SOX5: variants seen among roughly 807,000 people sequenced by gnomAD.
SOX5 encodes transcription factor SOX-5.
Under a neutral mutation model 92.0 loss-of-function variants are expected in SOX5, and 9 were observed. That is an observed-to-expected ratio of 0.10 (90% CI 0.06 to 0.17). The LOEUF is 0.17. Among genes scored for constraint, SOX5 ranks in the 10% least tolerant of loss-of-function variants. SOX5 has a pLI of 1.00. For synonymous variants in SOX5, 344 were observed against 336.3 expected (o/e 1.02, Z -0.25); for missense variants, 642 against 944.5 (o/e 0.68, Z 4.20).
chr12:24,058,442 C>G (rs1939013084), intron 4 of SOX5, among the ~76,000 whole-genome samples: 2 of 152,288 alleles, frequency 1.3e-5, no homozygotes, highest in South Asian at 2.1e-4. Flanking sequence ...CAATACATCC[C>G]CTCGTAGGTA....
rs537786916 is a variant in SOX5, at chr12:24,522,262, G to T, written c.-251+40067C>A. Among the ~76,000 whole-genome samples, 6 of 151,810 alleles carry T rather than the reference G, an allele frequency of 4.0e-5. No individual in the cohort carries two copies. The East Asian group carries it at 9.6e-4, about 24-fold the overall frequency. ...TGAACAGATTTATATATCTAGTATA[G>T]AAGTTGAATCAATAATCAAAAATCA... is the stretch of plus-strand genomic sequence containing the variant. On this transcript the variant is annotated intron_variant, in intron 1 of 4. Coordinates refer to the SOX5 transcript ENST00000446891.
chr12:24,192,920 C>A (rs1256360502), intron 4 of SOX5, among the ~76,000 whole-genome samples: 1 of 152,042 alleles, frequency 6.6e-6, no homozygotes, highest in Non-Finnish European at 1.5e-5. Context: ...GCCATTATTT[C>A]TTTTTATTTG....
intron 2 of SOX5, among the ~76,000 whole-genome samples, chr12:24,361,140 T>G (rs1042735563): frequency 6.6e-6 from 1 of 152,150 alleles, no homozygotes; most frequent in Non-Finnish European, 1.5e-5. Context: ...CAGTTTTGAC[T>G]GGCTCTCTCA....
intron 8 of SOX5, among the ~76,000 whole-genome samples, chr12:23,618,215 C>G (rs2137995067): frequency 6.6e-6 from 1 of 152,172 alleles, no homozygotes; most frequent in Non-Finnish European, 1.5e-5. Flanking sequence ...TGCTGAAATT[C>G]CCTTCAAAGC....
intron 4 of SOX5, among the ~76,000 whole-genome samples, chr12:24,082,886 C>T (rs563550902): frequency 6.6e-6 from 1 of 151,970 alleles, no homozygotes; most frequent in Admixed American, 6.6e-5. Flanking sequence ...AAGTATACCT[C>T]ATCTCATTTG....
intron 2 of SOX5, among the ~76,000 whole-genome samples, chr12:24,285,893 T>A (rs1020606118): frequency 6.6e-6 from 1 of 152,148 alleles, no homozygotes; most frequent in Non-Finnish European, 1.5e-5. Flanking sequence ...AAAAATAATA[T>A]TTATAATTTT....
In SOX5 at chr12:23,539,615, A is replaced by T. The variant is rs1051849576; in HGVS notation, c.1772-2946T>A. ...AAAGCTGGTCTGGCTTAAAAAAAAA[A>T]AAAAAGAGGAAAAAAAGATGCGTGT... On this transcript the variant is annotated intron_variant, in intron 13 of 14. Transcript: ENST00000451604. Among the ~76,000 whole-genome samples, 16 of 152,114 alleles carry T rather than the reference A, an allele frequency of 1.1e-4. No homozygotes were observed. The East Asian group carries it at 2.1e-3, about 20-fold the overall frequency.
At chr12:23,999,565 T>C (rs549658434) in intron 4 of SOX5, among the ~76,000 whole-genome samples, 16 of 152,244 alleles carry the variant, frequency 1.1e-4, no homozygotes, top group African/African-American at 3.6e-4. Flanking sequence ...ACTGTACACC[T>C]AGAATATATT....
At chr12:24,446,083 A>G (rs1941427248) in intron 1 of SOX5, among the ~76,000 whole-genome samples, 1 of 152,196 alleles carries the variant, frequency 6.6e-6, no homozygotes, top group African/African-American at 2.4e-5. Context: ...ATTTATTGCA[A>G]TCTCCTATGT....
chr12:24,321,888 C>T lies in SOX5; in HGVS notation c.-173-44576G>A, dbSNP rs1481496260. 2.6e-5 allele frequency among the ~76,000 whole-genome samples: 4 copies of T among 152,120 alleles called. No individual in the cohort carries two copies. The East Asian group carries it at 5.8e-4, about 22-fold the overall frequency. On this transcript the variant is annotated intron_variant, in intron 2 of 4. Coordinates refer to the SOX5 transcript ENST00000446891. ...TCAGAAGTTGGCCCTAATATACTCACGGTCTCATCCAAACTGGAAGTCTCA... is the reference window on the plus strand; with the variant it reads ...TCAGAAGTTGGCCCTAATATACTCATGGTCTCATCCAAACTGGAAGTCTCA...
Position 24,084,447 on chromosome 12 carries a change from A to G in SOX5, c.-2+128896T>C, listed in dbSNP as rs182221123. On this transcript the variant is annotated intron_variant, in intron 4 of 4. Coordinates refer to the SOX5 transcript ENST00000446891. ...TATCTTGAGTATCTCTCCAAAACCT[A>G]AGATTCCTGATTCTTTATTTTGCTC... 3.3e-4 allele frequency among the ~76,000 whole-genome samples: 50 copies of G among 152,194 alleles called. No homozygotes were observed. In the East Asian group the frequency reaches 9.3e-3, roughly 28 times the overall value.
At chr12:24,472,710 G>C (rs998363500) in intron 1 of SOX5, among the ~76,000 whole-genome samples, 1 of 152,166 alleles carries the variant, frequency 6.6e-6, no homozygotes, top group African/African-American at 2.4e-5. Context: ...AGGACACTCA[G>C]AGAAGCCTTC....
intron 3 of SOX5, among the ~76,000 whole-genome samples, chr12:24,232,585 A>C (rs1963618590): frequency 6.6e-6 from 1 of 152,244 alleles, no homozygotes; most frequent in African/African-American, 2.4e-5. Context: ...ACAGGAAGGC[A>C]GGCCAAATAT....
At chr12:23,592,916 TA>T (rs1951779885) in intron 9 of SOX5, among the ~76,000 whole-genome samples, 1 of 151,766 alleles carries the variant, frequency 6.6e-6, no homozygotes. Flanking sequence ...CCATCTCTAC[TA>T]AAAATACAAA....
intron 2 of SOX5, among the ~76,000 whole-genome samples, chr12:24,287,008 T>C (rs1945949390): frequency 6.6e-6 from 1 of 152,208 alleles, no homozygotes; most frequent in South Asian, 2.1e-4. Context: ...ATAGAATTTT[T>C]GAACTAAACT....
At chr12:24,484,125 T>C (rs1254480217) in intron 1 of SOX5, among the ~76,000 whole-genome samples, 1 of 152,204 alleles carries the variant, frequency 6.6e-6, no homozygotes, top group Non-Finnish European at 1.5e-5. Flanking sequence ...AATTTGGCTA[T>C]TTATCATGTC....
At chr12:23,870,095 T>C (rs1005208603) in intron 2 of SOX5, among the ~76,000 whole-genome samples, 2 of 152,078 alleles carry the variant, frequency 1.3e-5, no homozygotes, top group Non-Finnish European at 2.9e-5. Context: ...TTTCCCACAA[T>C]TTTTTCCTAT....
rs572205564 is a variant in SOX5 at position 23,874,488 on chromosome 12, A to C, written c.270+21305T>G. On this transcript the variant is annotated intron_variant, in intron 2 of 14. Coordinates refer to ENST00000451604, the MANE Select transcript of SOX5 (RefSeq NM_006940.6). ...GTATTCTCTTTTTAAAATTTCCCTA[A>C]AATGAAAGGAAAGGGGAGAGAAAAT... is the stretch of plus-strand genomic sequence containing the variant. 2.0e-4 allele frequency among the ~76,000 whole-genome samples: 30 copies of C among 152,300 alleles called. No individual in the cohort carries two copies. In the South Asian group the frequency reaches 5.8e-3, roughly 29 times the overall value.
intron 1 of SOX5, among the ~76,000 whole-genome samples, chr12:23,908,551 T>C (rs2097317127): frequency 6.6e-6 from 1 of 151,742 alleles, no homozygotes; most frequent in South Asian, 2.1e-4. Flanking sequence ...TTATGTTATA[T>C]TCAAAATAGA....
Sources: gnomAD v4.1 joint callset for allele counts (sites outside exome capture counted in the v4.1 genomes callset) on GRCh38, gnomAD v4.1.1 for gene constraint, MANE v1.5 for transcripts, NCBI Gene and HGNC (gene_info 2026-07-23, HGNC 2026-07-21) for gene names.